Variants in DNAH12 observed in about 807,000 individuals in gnomAD.
DNAH12 encodes axonemal beta dynein heavy chain 12.
A neutral mutation model predicts 371.5 loss-of-function variants in DNAH12; 285 were observed. The observed-to-expected ratio is 0.77, with a 90% CI of 0.70 to 0.85. The LOEUF is 0.85. Among genes scored for constraint, DNAH12 ranks in the 40% least tolerant of loss-of-function variants. DNAH12 has a pLI of 0.00. For synonymous variants in DNAH12, 1,200 were observed against 1,213.0 expected (o/e 0.99, Z 0.22); for missense variants, 3,611 against 3,689.4 (o/e 0.98, Z 0.55).
chr3:57,504,436 T>G (rs1247280081), intron 8 of DNAH12, among the ~76,000 whole-genome samples: 1 of 152,028 alleles, frequency 6.6e-6, no homozygotes, highest in African/African-American at 2.4e-5. Flanking sequence ...TTTAAGACAG[T>G]GTCTCACTCT....
intron 16 of DNAH12, among the ~76,000 whole-genome samples, chr3:57,469,419 T>C (rs1165783781): frequency 6.6e-6 from 1 of 152,104 alleles, no homozygotes; most frequent in Non-Finnish European, 1.5e-5. Flanking sequence ...GGAGAGTAGT[T>C]TGGAGATTTT....
chr3:57,352,296 A>G, intron 59 of DNAH12, 71 bp from the exon 60 acceptor site: 3 of 1,409,406 alleles, frequency 2.1e-6, no homozygotes, highest in Non-Finnish European at 2.9e-6. Context: ...GAATTAACAT[A>G]TACACTTTTT....
chr3:57,500,669 T>G (rs927419156), intron 11 of DNAH12, among the ~76,000 whole-genome samples: 8 of 152,310 alleles, frequency 5.3e-5, no homozygotes, highest in African/African-American at 1.9e-4. Flanking sequence ...CAAACAACAC[T>G]TTGTCCATAT....
At chr3:57,515,497 C>T (rs1276196347) in intron 4 of DNAH12, among the ~76,000 whole-genome samples, 1 of 152,094 alleles carries the variant, frequency 6.6e-6, no homozygotes, top group Non-Finnish European at 1.5e-5. Context: ...GTAATCCCAG[C>T]TACTCAGGAG....
chr3:57,476,905 C>T (rs9855598), intron 13 of DNAH12, among the ~76,000 whole-genome samples: 42 of 152,018 alleles, frequency 2.8e-4, no homozygotes, highest in Non-Finnish European at 4.7e-4. Context: ...AGGACATACA[C>T]AAAATTAGTG....
At position 57,542,809 on chromosome 3, in the gene DNAH12, G is replaced by C; in HGVS notation, c.62C>G (p.Pro21Arg). The part of the protein sequence containing the change: ...AEKEALNLKL[P>R]PIVHLPENIG... ...GTTTTCTGGGAGATGGACAATGGGG[G>C]GTAACTTCAAGTTCAGAGCTTCCTT... Residue 21 changes from proline to arginine, a missense_variant, in exon 2 of 74, where the codon CCC (proline) becomes CGC (arginine). Pro to Arg is a moderately radical substitution (Grantham distance 103). Transcript: ENST00000495027. 5 of 1,607,474 alleles carry C rather than the reference G, an allele frequency of 3.1e-6. No individual in the cohort carries two copies. Among genetic ancestry groups the C allele is most frequent in the Non-Finnish European group, 4.2e-6 (5 of 1,177,776 alleles).
intron 55 of DNAH12, among the ~76,000 whole-genome samples, chr3:57,370,703 T>C (rs926783598): frequency 7.9e-5 from 12 of 152,152 alleles, no homozygotes; most frequent in African/African-American, 2.4e-4. Flanking sequence ...AAAAGACACA[T>C]ACATACATCC....
intron 36 of DNAH12, among the ~76,000 whole-genome samples, chr3:57,421,275 G>A (rs1382191304): frequency 6.6e-6 from 1 of 152,048 alleles, no homozygotes; most frequent in African/African-American, 2.4e-5. Flanking sequence ...TTTAAAAAAT[G>A]CTTTGGGGAA....
At chr3:57,449,917 G>T (rs1362067142) in intron 25 of DNAH12, among the ~76,000 whole-genome samples, 1 of 152,210 alleles carries the variant, frequency 6.6e-6, no homozygotes, top group Admixed American at 6.5e-5. Context: ...CTCACTAGGA[G>T]ACTTTTTCTC....
At chr3:57,420,737 G>A (rs901500523) in intron 36 of DNAH12, among the ~76,000 whole-genome samples, 3 of 151,690 alleles carry the variant, frequency 2.0e-5, no homozygotes, top group Non-Finnish European at 2.9e-5. Context: ...GTGAAACCCC[G>A]TCTCTACTAA....
intron 25 of DNAH12, among the ~76,000 whole-genome samples, chr3:57,447,326 T>G (rs1273104901): frequency 6.6e-6 from 1 of 152,242 alleles, no homozygotes; most frequent in Non-Finnish European, 1.5e-5. Context: ...ATTTGAATTA[T>G]TCCTGGGTCC....
chr3:57,454,632 G>C (rs1011487859), intron 23 of DNAH12, 143 bp downstream of exon 23: 1 of 1,099,984 alleles, frequency 9.1e-7, no homozygotes. Context: ...TACTTTGGGA[G>C]GTTGAAGTGG....
intron 13 of DNAH12, among the ~76,000 whole-genome samples, chr3:57,479,786 T>C (rs1575661059): frequency 6.6e-6 from 1 of 152,034 alleles, no homozygotes; most frequent in South Asian, 2.1e-4. Flanking sequence ...ACCACTCAAC[T>C]ACATGGAAAC....
Position 57,471,612 on chromosome 3 carries a change from T to C in DNAH12, c.1777-6A>G, listed in dbSNP as rs1186819765. 2 of 1,525,628 alleles carry C rather than the reference T, an allele frequency of 1.3e-6. No individual in the cohort carries two copies. The highest frequency in any genetic ancestry group is 1.8e-6 in the Non-Finnish European group (2 of 1,137,744). The allele number at this position is 1,525,628 out of a possible 1,614,324, so 94.5% of individuals were successfully genotyped here. A position where few individuals can be genotyped will look rare whatever the true frequency, so the allele number is the denominator to read the frequency against. On this transcript the variant is annotated splice_region_variant and splice_polypyrimidine_tract_variant and intron_variant, in intron 14 of 73. Transcript: ENST00000495027. ...TGTTTAGCATTCTCAATTAGCTTTT[T>C]AAAAGACAATTTGATCATGTTAGTT...
rs141705774 is a variant in DNAH12, at chr3:57,333,002, T to C, written c.9978+1463A>G. Among the ~76,000 whole-genome samples the C allele has an allele frequency of 8.9e-3, 1,356 of 152,338 alleles. 23 individuals are homozygous for C. Among genetic ancestry groups the C allele is most frequent in the African/African-American group, 0.031 (1,308 of 41,572 alleles). The stretch of plus-strand genomic sequence containing the variant: ...TTCAAACTTCAGTAATTTAACTACA[T>C]AACCACAGAAGTTGATAAACGTTCT... On this transcript the variant is annotated intron_variant, in intron 62 of 73. Coordinates refer to ENST00000495027, the MANE Select transcript of DNAH12 (RefSeq NM_001366028.2).
intron 2 of DNAH12, among the ~76,000 whole-genome samples, chr3:57,542,499 G>A (rs1005204345): frequency 6.6e-6 from 1 of 152,148 alleles, no homozygotes; most frequent in Non-Finnish European, 1.5e-5. Context: ...AAGAAGTATA[G>A]GCGATAAGAA....
Position 57,322,930 on chromosome 3 carries a change from AAAAC to A in DNAH12, c.10383+73_10383+76del, listed in dbSNP as rs576453898. 2.8e-4 allele frequency: 423 copies of A among 1,493,912 alleles called. No homozygotes were observed. The African/African-American group carries it at 4.8e-3, about 17-fold the overall frequency. The allele number at this position is 1,493,912 out of a possible 1,614,324, so 92.5% of individuals were successfully genotyped here. A position where few individuals can be genotyped will look rare whatever the true frequency, so the allele number is the denominator to read the frequency against. On this transcript the variant is annotated intron_variant, in intron 64 of 73. Coordinates refer to ENST00000495027, the MANE Select transcript of DNAH12 (RefSeq NM_001366028.2). ...GGGAGACAGAGTAAGACTCCGTCTC[AAAAC>A]AAACAAACAAAACAAATAAGATATA...
chr3:57,352,798 G>T (rs1553661069), intron 59 of DNAH12, among the ~76,000 whole-genome samples: 1 of 152,062 alleles, frequency 6.6e-6, no homozygotes, highest in Non-Finnish European at 1.5e-5. Context: ...ATTTAAAAAT[G>T]CATGAAAAGG....
chr3:57,325,952 G>A (rs7613758), intron 62 of DNAH12, among the ~76,000 whole-genome samples: 48,903 of 152,000 alleles, frequency 0.32, 8,716 homozygotes, highest in African/African-American at 0.46. Context: ...GCGATCAGCT[G>A]GAAGAAAGGG....
Sources: allele counts gnomAD v4.1 joint callset (sites outside exome capture counted in the v4.1 genomes callset), GRCh38; gene constraint gnomAD v4.1.1; transcripts MANE v1.5; gene names NCBI Gene and HGNC (gene_info 2026-07-23, HGNC 2026-07-21).